Variants in CCDC7 observed in about 807,000 individuals in gnomAD.
CCDC7 encodes the protein coiled-coil domain containing 7, also known as coiled-coil domain-containing protein 7.
In CCDC7, 183 loss-of-function variants were observed where a neutral mutation model predicts 196.9. The observed-to-expected ratio is 0.93, with a 90% CI of 0.82 to 1.05. The LOEUF is 1.05. Ranked by LOEUF, CCDC7 falls within the 50% of genes least tolerant of loss-of-function variation. The pLI is 0.00. For synonymous variants in CCDC7, 525 were observed against 484.6 expected, an observed-to-expected ratio of 1.08 and a Z score of -1.10; for missense variants, 1,540 against 1,482.2, an observed-to-expected ratio of 1.04 and a Z score of -0.64.
At chr10:32,758,850 G>A (rs1394145866) in intron 28 of CCDC7, among the ~76,000 whole-genome samples, 1 of 152,030 alleles carries the variant, frequency 6.6e-6, no homozygotes, top group Admixed American at 6.6e-5. Flanking sequence ...AGAAAACCCT[G>A]TCATTTCAGC....
At chr10:32,510,336 A>G (rs1445594461) in intron 9 of CCDC7, among the ~76,000 whole-genome samples, 1 of 152,166 alleles carries the variant, frequency 6.6e-6, no homozygotes, top group East Asian at 1.9e-4. Flanking sequence ...TTCCAAGATA[A>G]ATAAGCTTTG....
At chr10:32,719,956 T>G (rs2082158244) in intron 25 of CCDC7, among the ~76,000 whole-genome samples, 1 of 152,198 alleles carries the variant, frequency 6.6e-6, no homozygotes. Context: ...TGGAAGACAG[T>G]GTGGCAATTC....
intron 23 of CCDC7, among the ~76,000 whole-genome samples, chr10:32,694,105 C>G (rs1218366112): frequency 6.6e-6 from 1 of 152,112 alleles, no homozygotes; most frequent in Non-Finnish European, 1.5e-5. Flanking sequence ...AGGAGATGCT[C>G]CTTACAATTT....
intron 28 of CCDC7, among the ~76,000 whole-genome samples, chr10:32,738,875 A>G (rs2085341064): frequency 6.6e-6 from 1 of 151,874 alleles, no homozygotes; most frequent in African/African-American, 2.4e-5. Context: ...GTTTAAAAAT[A>G]TTTTCTTCCA....
chr10:32,465,435 AAC>A (rs1457161629), intron 5 of CCDC7, among the ~76,000 whole-genome samples: 1 of 86,236 alleles, frequency 1.2e-5, no homozygotes, highest in Non-Finnish European at 2.2e-5. Flanking sequence ...TGTTAAATTA[AAC>A]AGACTTTTTT....
chr10:32,536,885 T>A (rs1379929191), intron 11 of CCDC7, among the ~76,000 whole-genome samples: 1 of 152,228 alleles, frequency 6.6e-6, no homozygotes, highest in East Asian at 1.9e-4. Flanking sequence ...ACATTTTCTT[T>A]ATCCAGCCCA....
chr10:32,462,771 AG>A lies in CCDC7; in HGVS notation c.477+70del, dbSNP rs752213021. On this transcript the variant is annotated intron_variant, in intron 4 of 41. Transcript: ENST00000639629. Reference sequence around the variant, plus strand: ...ACAGAAATACATGCCAATGAAGAAGAGGTTTCTAAATTTTAAGGGAGTAGAA... The same window carrying A: ...ACAGAAATACATGCCAATGAAGAAGAGTTTCTAAATTTTAAGGGAGTAGAA... 2,948 of 1,382,852 alleles carry A rather than the reference AG, an allele frequency of 2.1e-3. 8 individuals carry two copies. Among genetic ancestry groups the A allele is most frequent in the Middle Eastern group, 6.0e-3 (33 of 5,466 alleles). The allele number at this position is 1,382,852 out of a possible 1,614,324, so 85.7% of individuals were successfully genotyped here. A position where few individuals can be genotyped will look rare whatever the true frequency, so the allele number is the denominator to read the frequency against.
intron 21 of CCDC7, among the ~76,000 whole-genome samples, chr10:32,683,297 G>T (rs1472803038): frequency 1.3e-5 from 2 of 152,070 alleles, no homozygotes; most frequent in South Asian, 2.1e-4. Flanking sequence ...AAGATCAGAT[G>T]GTTGTAGGTG....
chr10:32,603,815 A>T (rs889206411), intron 18 of CCDC7, among the ~76,000 whole-genome samples: 2 of 151,990 alleles, frequency 1.3e-5, no homozygotes, highest in African/African-American at 4.8e-5. Flanking sequence ...TTTCTTTGCT[A>T]TTGAATTGTT....
chr10:32,637,041 T>C (rs1427748829), intron 20 of CCDC7, among the ~76,000 whole-genome samples: 1 of 152,150 alleles, frequency 6.6e-6, no homozygotes, highest in Non-Finnish European at 1.5e-5. Context: ...TGAGAAGTGT[T>C]TGTTCATATC....
chr10:32,737,463 A>G (rs935196287), intron 28 of CCDC7, among the ~76,000 whole-genome samples: 2 of 152,238 alleles, frequency 1.3e-5, no homozygotes, highest in South Asian at 2.1e-4. Context: ...TGTCTTACTG[A>G]GTGTTCCACA....
chr10:32,669,557 C>T (rs1474744824), intron 21 of CCDC7, among the ~76,000 whole-genome samples: 1 of 151,994 alleles, frequency 6.6e-6, no homozygotes, highest in Non-Finnish European at 1.5e-5. Context: ...ATTTAATCAC[C>T]TTACTCATTA....
At chr10:32,546,968 A>T (rs1019594669) in intron 13 of CCDC7, among the ~76,000 whole-genome samples, 5 of 152,026 alleles carry the variant, frequency 3.3e-5, no homozygotes, top group African/African-American at 4.8e-5. Context: ...GATTGTTCGT[A>T]TCATAGCACC....
rs566041740 is a variant in CCDC7 at position 32,620,902 on chromosome 10, T to A, written c.1802-13352T>A. On this transcript the variant is annotated intron_variant, in intron 18 of 41. Coordinates refer to ENST00000639629, the Ensembl canonical transcript of CCDC7. ...AAATATGGTATGCAGAGTTTTAGTG[T>A]CTTCATAGCCAAAATAATACCATTA... is the stretch of plus-strand genomic sequence containing the variant. Among the ~76,000 whole-genome samples, 8 of 152,312 alleles carry A rather than the reference T, an allele frequency of 5.3e-5. No homozygotes were observed. In the South Asian group the frequency reaches 1.7e-3, roughly 32 times the overall value.
chr10:32,480,683 A>G (rs568846158), intron 8 of CCDC7, among the ~76,000 whole-genome samples: 1 of 151,962 alleles, frequency 6.6e-6, no homozygotes, highest in Admixed American at 6.6e-5. Context: ...TCAGTTATTG[A>G]TTTCTAGTTT....
At chr10:32,868,435 G>A (rs776920037) in intron 41 of CCDC7, among the ~76,000 whole-genome samples, 2 of 151,912 alleles carry the variant, frequency 1.3e-5, no homozygotes, top group Non-Finnish European at 2.9e-5. Flanking sequence ...ATTCTCATAT[G>A]GATCTAAGTT....
At chr10:32,570,936 A>C (rs190220154) in intron 15 of CCDC7, among the ~76,000 whole-genome samples, 2 of 152,094 alleles carry the variant, frequency 1.3e-5, no homozygotes, top group African/African-American at 4.8e-5. Flanking sequence ...CATTTATACT[A>C]TAGGAAAATA....
At chr10:32,617,639 A>T (rs1213194742) in intron 18 of CCDC7, among the ~76,000 whole-genome samples, 1 of 151,876 alleles carries the variant, frequency 6.6e-6, no homozygotes, top group Non-Finnish European at 1.5e-5. Flanking sequence ...ATTCCACTGT[A>T]GTCTGAGAAG....
At chr10:32,606,065 G>C (rs768212242) in intron 18 of CCDC7, among the ~76,000 whole-genome samples, 2 of 152,218 alleles carry the variant, frequency 1.3e-5, no homozygotes, top group Admixed American at 1.3e-4. Flanking sequence ...GCCCTGTGCA[G>C]CCTTTGGACA....
Sources: allele counts gnomAD v4.1 joint callset (sites outside exome capture counted in the v4.1 genomes callset), GRCh38; gene constraint gnomAD v4.1.1; transcripts MANE v1.5; gene names NCBI Gene and HGNC (gene_info 2026-07-23, HGNC 2026-07-21).